Variants in PTPRD observed in about 807,000 individuals in gnomAD.
PTPRD encodes the protein receptor-type tyrosine-protein phosphatase delta.
Under a neutral mutation model 214.5 loss-of-function variants are expected in PTPRD, and 34 were observed. The ratio of observed to expected loss-of-function variants is 0.16; its 90% CI spans 0.12 to 0.21. The LOEUF is 0.21. Ranked by LOEUF, PTPRD falls within the 10% of genes least tolerant of loss-of-function variation. PTPRD has a pLI of 1.00. For missense variants in PTPRD, 2,545 were observed against 2,398.7 expected (o/e 1.06, Z -1.27); for synonymous variants, 1,128 against 845.7 (o/e 1.33, Z -5.79).
At chr9:9,222,246 T>C (rs1411443713) in intron 9 of PTPRD, among the ~76,000 whole-genome samples, 3 of 152,062 alleles carry the variant, frequency 2.0e-5, no homozygotes, top group Non-Finnish European at 4.4e-5. Context: ...CCAGAAAGTT[T>C]AGCAAACAAC....
At chr9:9,845,718 G>A (rs762852436) in intron 5 of PTPRD, among the ~76,000 whole-genome samples, 7 of 152,018 alleles carry the variant, frequency 4.6e-5, no homozygotes, top group Admixed American at 1.3e-4. Context: ...GCAAGAGGAC[G>A]TGAAATCAAT....
chr9:9,504,937 G>C (rs1249542382), intron 8 of PTPRD, among the ~76,000 whole-genome samples: 1 of 151,600 alleles, frequency 6.6e-6, no homozygotes, highest in Non-Finnish European at 1.5e-5. Flanking sequence ...TTGCAGTAGA[G>C]AGGCTAAGAA....
intron 12 of PTPRD, among the ~76,000 whole-genome samples, chr9:8,726,148 A>G (rs2098554939): frequency 6.6e-6 from 1 of 152,110 alleles, no homozygotes; most frequent in Admixed American, 6.5e-5. Flanking sequence ...TTGGTTCTAA[A>G]ATGGTATCTC....
intron 8 of PTPRD, among the ~76,000 whole-genome samples, chr9:9,537,628 C>G (rs956382180): frequency 1.3e-5 from 2 of 151,896 alleles, no homozygotes; most frequent in Non-Finnish European, 2.9e-5. Flanking sequence ...CAATAGAATT[C>G]CCAGTGAATT....
At position 8,460,211 on chromosome 9, in the gene PTPRD, A is replaced by T. The variant is rs1280476724; in HGVS notation, c.3875+200T>A. 3.7e-5 allele frequency: 25 copies of T among 680,702 alleles called. No individual in the cohort carries two copies. In the Admixed American group the frequency reaches 4.6e-4, roughly 12 times the overall value. The allele number at this position is 680,702 out of a possible 1,614,324, so 42.2% of individuals were successfully genotyped here. A position where few individuals can be genotyped will look rare whatever the true frequency, so the allele number is the denominator to read the frequency against. The stretch of plus-strand genomic sequence containing the variant: ...TGCATGTTGGACAACAGAAGTCTAT[A>T]CCAAAACTGAATAAGATTCCAAATA... On this transcript the variant is annotated intron_variant, in intron 33 of 45. Coordinates refer to ENST00000381196, the MANE Select transcript of PTPRD (RefSeq NM_002839.4).
chr9:10,487,094 C>G (rs1226812151), intron 2 of PTPRD, among the ~76,000 whole-genome samples: 1 of 152,084 alleles, frequency 6.6e-6, no homozygotes, highest in Non-Finnish European at 1.5e-5. Flanking sequence ...GTCTTGAAAT[C>G]TATTTGGTAT....
At chr9:8,504,605 C>T (rs1273426183) in intron 22 of PTPRD, among the ~76,000 whole-genome samples, 200 bp from the exon 23 acceptor site, 5 of 152,100 alleles carry the variant, frequency 3.3e-5, no homozygotes, top group Non-Finnish European at 5.9e-5. Flanking sequence ...CAAGTTTCTA[C>T]AAAGGTAACT....
At chr9:9,155,562 G>C (rs2099880479) in intron 10 of PTPRD, among the ~76,000 whole-genome samples, 2 of 152,142 alleles carry the variant, frequency 1.3e-5, no homozygotes, top group Non-Finnish European at 2.9e-5. Context: ...ATTAGTGCAA[G>C]ACCTCTCAGT....
chr9:8,722,466 C>T (rs1224360870), intron 12 of PTPRD, among the ~76,000 whole-genome samples: 3 of 150,806 alleles, frequency 2.0e-5, no homozygotes, highest in Non-Finnish European at 4.4e-5. Flanking sequence ...TAAAATAAAT[C>T]CAAATATGTT....
intron 5 of PTPRD, among the ~76,000 whole-genome samples, chr9:9,918,618 A>C (rs1052611974): frequency 2.0e-5 from 3 of 152,174 alleles, no homozygotes; most frequent in Non-Finnish European, 2.9e-5. Flanking sequence ...CAAAACAGCA[A>C]AACTGAAGGC....
intron 9 of PTPRD, among the ~76,000 whole-genome samples, chr9:9,322,479 C>A (rs1191890767): frequency 6.6e-6 from 1 of 152,144 alleles, no homozygotes; most frequent in African/African-American, 2.4e-5. Flanking sequence ...TTTCAGTGTA[C>A]ACCTTAAATA....
At chr9:9,606,555 T>G (rs527581685) in intron 7 of PTPRD, among the ~76,000 whole-genome samples, 2 of 152,098 alleles carry the variant, frequency 1.3e-5, no homozygotes, top group Admixed American at 1.3e-4. Context: ...TCTGGCAATC[T>G]TGGCAGAAAG....
chr9:8,365,810 G>GAAAA (rs2079702794), intron 39 of PTPRD, among the ~76,000 whole-genome samples: 1 of 152,144 alleles, frequency 6.6e-6, no homozygotes, highest in Non-Finnish European at 1.5e-5. Context: ...GGACCAGGAT[G>GAAAA]AAAAGCCTTG....
At chr9:10,311,110 A>T (rs1015134539) in intron 3 of PTPRD, among the ~76,000 whole-genome samples, 2 of 151,790 alleles carry the variant, frequency 1.3e-5, no homozygotes, top group African/African-American at 4.8e-5. Context: ...TATTTTACTT[A>T]TGCTTTACAT....
At chr9:8,634,555 C>A (rs908205357) in intron 13 of PTPRD, among the ~76,000 whole-genome samples, 3 of 151,974 alleles carry the variant, frequency 2.0e-5, no homozygotes, top group African/African-American at 7.3e-5. Context: ...TCAAAATTCA[C>A]AAAAATATTC....
At position 8,925,494 on chromosome 9, in the gene PTPRD, G is replaced by A. The variant is rs548118695; in HGVS notation, c.-104+93203C>T. Among the ~76,000 whole-genome samples, 22 of 150,354 alleles carry A rather than the reference G, an allele frequency of 1.5e-4. No homozygotes were observed. In the South Asian group the frequency reaches 2.0e-3, roughly 13 times the overall value. ...GACAGGAAAAAAATTTCAATTCCCC[G>A]AAACAGAAAAACAAAACAAAGAAAA... On this transcript the variant is annotated intron_variant, in intron 11 of 45. Coordinates refer to ENST00000381196, the MANE Select transcript of PTPRD (RefSeq NM_002839.4).
chr9:8,327,956 C>T (rs1160246835), intron 44 of PTPRD, among the ~76,000 whole-genome samples: 1 of 140,644 alleles, frequency 7.1e-6, no homozygotes, highest in African/African-American at 2.8e-5. Flanking sequence ...GATGGGTCTT[C>T]ACTCCTCTTT....
At chr9:9,489,191 C>A (rs2095795318) in intron 8 of PTPRD, among the ~76,000 whole-genome samples, 1 of 151,306 alleles carries the variant, frequency 6.6e-6, no homozygotes, top group African/African-American at 2.5e-5. Context: ...CAGAAAAAAT[C>A]TGGAAAACTT....
Position 8,441,478 on chromosome 9 carries a change from T to C in PTPRD, c.3989-4789A>G, listed in dbSNP as rs142889324. Among the ~76,000 whole-genome samples the C allele has an allele frequency of 1.2e-3, 182 of 152,036 alleles. 2 individuals carry two copies. Among genetic ancestry groups the C allele is most frequent in the African/African-American group, 4.1e-3 (172 of 41,458 alleles). On this transcript the variant is annotated intron_variant, in intron 34 of 45. Coordinates refer to ENST00000381196, the MANE Select transcript of PTPRD (RefSeq NM_002839.4). Reference sequence around the variant, plus strand: ...TTTTCAATGTTGACTCAAAATTTTGTTGAAACTCAGTCCATGTCAAACGAT... The same window carrying C: ...TTTTCAATGTTGACTCAAAATTTTGCTGAAACTCAGTCCATGTCAAACGAT...
Sources: gnomAD v4.1 joint callset for allele counts (sites outside exome capture counted in the v4.1 genomes callset) on GRCh38, gnomAD v4.1.1 for gene constraint, MANE v1.5 for transcripts, NCBI Gene and HGNC (gene_info 2026-07-23, HGNC 2026-07-21) for gene names.